The following VNN2 variants were observed in gnomAD, a reference collection of about 807,000 sequenced individuals.
VNN2 encodes pantetheine hydrolase VNN2.
In VNN2, 43 loss-of-function variants were observed where a neutral mutation model predicts 43.0. That is an observed-to-expected ratio of 1.00 (90% CI 0.78 to 1.29). VNN2 has a LOEUF of 1.29. Ranked by LOEUF, VNN2 falls within the 50% of genes most tolerant of loss-of-function variation. VNN2 has a pLI of 0.00. For missense variants in VNN2, 652 were observed against 619.7 expected (o/e 1.05, Z -0.55); for synonymous variants, 230 against 224.3 (o/e 1.03, Z -0.23).
In VNN2 at chr6:132,752,611, C is replaced by A. The variant is rs1780183211; in HGVS notation, c.676G>T (p.Asp226Tyr). 2.5e-6 allele frequency: 4 copies of A among 1,614,032 alleles called. No individual in the cohort carries two copies. Among genetic ancestry groups the A allele is most frequent in the Non-Finnish European group, 3.4e-6 (4 of 1,180,040 alleles). Residue 226 changes from aspartate to tyrosine, a missense_variant, in exon 4 of 7, where the codon GAT becomes TAT. Transcript: ENST00000326499. ...FYDPGVTLVK[D>Y]FHVDTILFPT... The stretch of plus-strand genomic sequence containing the variant: ...AACAGTATGGTGTCCACATGGAAAT[C>A]TTTCACCAGGGTAACACCAGGATCA...
upstream of VNN2, among the ~76,000 whole-genome samples, chr6:132,761,425 C>T (rs963125153): frequency 6.0e-5 from 9 of 151,136 alleles, no homozygotes; most frequent in Admixed American, 1.3e-4. Flanking sequence ...TTTGGGAGGC[C>T]GAGGCGGGCG....
rs148000711 is a variant in VNN2, at chr6:132,744,538, G to A, written c.1372-47C>T. On this transcript the variant is annotated intron_variant, in intron 6 of 6. Transcript: ENST00000326499. Reference sequence around the variant, plus strand: ...TACAGTCAGCTTTCTTAACATAGAAGTTAAAAGCAAATTAATCATTTTGAA... The same window carrying A: ...TACAGTCAGCTTTCTTAACATAGAAATTAAAAGCAAATTAATCATTTTGAA... The A allele has an allele frequency of 1.1e-4, 170 of 1,509,064 alleles. 3 individuals carry two copies. In the African/African-American group the frequency reaches 2.0e-3, roughly 18 times the overall value. The allele number at this position is 1,509,064 out of a possible 1,614,324, so 93.5% of individuals were successfully genotyped here.
upstream of VNN2, among the ~76,000 whole-genome samples, chr6:132,760,271 C>T (rs1241940823): frequency 6.6e-6 from 1 of 152,074 alleles, no homozygotes; most frequent in East Asian, 1.9e-4. Flanking sequence ...ACCTCCCAGG[C>T]TCAAGTGATC....
chr6:132,759,125 A>T (rs1335109602), upstream of VNN2, among the ~76,000 whole-genome samples: 1 of 152,130 alleles, frequency 6.6e-6, no homozygotes, highest in African/African-American at 2.4e-5. Flanking sequence ...GCAGCAAATA[A>T]CAACAATGAG....
chr6:132,757,762 GT>G lies in VNN2; in HGVS notation c.121del (p.Thr41GlnfsTer11), dbSNP rs751119044. The G allele has an allele frequency of 6.2e-7, 1 of 1,614,054 alleles. No homozygotes were observed. The highest frequency in any genetic ancestry group is 2.2e-5 in the East Asian group (1 of 44,880). On this transcript the variant is annotated frameshift_variant, in exon 1 of 7. Coordinates refer to ENST00000326499, the MANE Select transcript of VNN2 (RefSeq NM_004665.6). LOFTEE classifies it high-confidence loss of function. ...ATCCTCCTGAGAAACTGGTGTTTCT[GT>G]TTTATTTGGCAAAATGACAGCATGT... is the stretch of plus-strand genomic sequence containing the variant. Reference protein sequence around the residue: ...YEHAVILPNKTETPVSQEDAL... With the variant: ...YEHAVILPNKXETPVSQEDAL...
At chr6:132,750,515 T>TATATATATATATA (rs1359427541) in intron 5 of VNN2, among the ~76,000 whole-genome samples, 1 of 97,378 alleles carries the variant, frequency 1.0e-5, no homozygotes, top group Admixed American at 1.1e-4. Context: ...ATATATATAT[T>TATATATATATATA]TTTCCAGGTG....
upstream of VNN2, among the ~76,000 whole-genome samples, chr6:132,761,472 C>G (rs1251460086): frequency 6.6e-6 from 1 of 151,858 alleles, no homozygotes; most frequent in South Asian, 2.1e-4. Context: ...CCAGCCTGGC[C>G]GACATAGTGA....
chr6:132,749,467 A>G (rs1033038068), intron 6 of VNN2, among the ~76,000 whole-genome samples: 1 of 152,126 alleles, frequency 6.6e-6, no homozygotes, highest in Admixed American at 6.6e-5. Context: ...CCACTAGCCA[A>G]TGGCAGACAC....
Position 132,752,684 on chromosome 6 carries a change from G to C in VNN2, c.603C>G (p.Thr201=), listed in dbSNP as rs141716354. The C allele has an allele frequency of 6.2e-7, 1 of 1,614,122 alleles. No homozygotes were observed. The highest frequency in any genetic ancestry group is 8.5e-7 in the Non-Finnish European group (1 of 1,180,020). Residue 201 remains threonine, a synonymous_variant, in exon 4 of 7, where the codon ACC becomes ACG. Coordinates refer to ENST00000326499, the MANE Select transcript of VNN2 (RefSeq NM_004665.6). ...PEKPELVTFN[T]AFGRFGIFTC... ...TGAAAATGCCAAACCTTCCAAATGC[G>C]GTGTTGAAAGTCACCAACTCCGGCT...
In VNN2 at chr6:132,752,457, T is replaced by C; in HGVS notation, c.826+4A>G. On this transcript the variant is annotated splice_donor_region_variant and intron_variant, in intron 4 of 6. Coordinates refer to ENST00000326499, the MANE Select transcript of VNN2 (RefSeq NM_004665.6). ...AGATGAAACCTAACCTGGTCATGAA[T>C]TACCTGTCATATTTAGGCTGACATG... 6.2e-7 allele frequency: 1 copy of C among 1,609,822 alleles called. No individual in the cohort carries two copies. Among genetic ancestry groups the C allele is most frequent in the Middle Eastern group, 1.7e-4 (1 of 6,038 alleles).
In VNN2 at chr6:132,745,106, T is replaced by C. The variant is rs138659493; in HGVS notation, c.1372-615A>G. ...ATCAAGGCAATGTGAGTTCTCATTCTAGATTGGTTAAAACCAGTGGTGTGC... is the reference window on the plus strand; with the variant it reads ...ATCAAGGCAATGTGAGTTCTCATTCCAGATTGGTTAAAACCAGTGGTGTGC... On this transcript the variant is annotated intron_variant, in intron 6 of 6. Coordinates refer to ENST00000326499, the MANE Select transcript of VNN2 (RefSeq NM_004665.6). 2.6e-3 allele frequency among the ~76,000 whole-genome samples: 397 copies of C among 152,260 alleles called. 3 individuals are homozygous for C. The highest frequency in any genetic ancestry group is 8.9e-3 in the African/African-American group (369 of 41,492).
intron 6 of VNN2, among the ~76,000 whole-genome samples, chr6:132,748,805 C>T (rs1355334033): frequency 6.6e-6 from 1 of 152,216 alleles, no homozygotes; most frequent in African/African-American, 2.4e-5. Flanking sequence ...TGGCACATGC[C>T]TTTAAATCCT....
upstream of VNN2, chr6:132,758,045 T>TTC (rs1780611402): frequency 2.9e-6 from 1 of 342,454 alleles, no homozygotes; most frequent in African/African-American, 5.6e-5. Flanking sequence ...TCTTCTTTTT[T>TTC]TTTTTTTTTT....
At chr6:132,753,654 A>G (rs144381565) in intron 3 of VNN2, 1 of 277,790 alleles carries the variant, frequency 3.6e-6, no homozygotes, top group Non-Finnish European at 7.2e-6. Flanking sequence ...CTTTACTACT[A>G]TTTTAAGAAT....
chr6:132,745,103 T>G (rs909312281), intron 6 of VNN2, among the ~76,000 whole-genome samples: 15 of 152,308 alleles, frequency 9.8e-5, no homozygotes, highest in African/African-American at 3.6e-4. Flanking sequence ...TGAGTTCTCA[T>G]TCTAGATTGG....
intron 6 of VNN2, among the ~76,000 whole-genome samples, chr6:132,749,172 T>C (rs1295801050): frequency 6.6e-6 from 1 of 152,192 alleles, no homozygotes; most frequent in African/African-American, 2.4e-5. Flanking sequence ...TGTGATTTTA[T>C]AGCTCTTCCC....
intron 3 of VNN2, 103 bp from the exon 4 acceptor site, chr6:132,752,852 C>A: frequency 2.4e-6 from 3 of 1,269,176 alleles, no homozygotes; most frequent in Non-Finnish European, 3.3e-6. Context: ...TGGTCAACTG[C>A]AGGGAATCTC....
intron 3 of VNN2, chr6:132,753,875 CCTGGGAG>C: frequency 6.7e-6 from 1 of 148,470 alleles, no homozygotes; most frequent in Non-Finnish European, 1.5e-5. Flanking sequence ...ATGGGTTGAA[CCTGGGAG>C]TCAGAGGTTG....
At position 132,751,440 on chromosome 6, in the gene VNN2, G is replaced by A. The variant is rs760936565; in HGVS notation, c.905C>T (p.Ser302Leu). 2 of 1,614,148 alleles carry A rather than the reference G, an allele frequency of 1.2e-6. No individual in the cohort carries two copies. The highest frequency in any genetic ancestry group is 2.2e-5 in the East Asian group (1 of 44,882). ...MKTELGKLLL[S>L]EVDSHPLSSL... is the part of the protein sequence containing the mutation. Reference sequence around the variant, plus strand: ...GGATAGGGGATGTGAATCCACCTCTGAAAGGAGAAGTTTTCCCAACTCTGT... The same window carrying A: ...GGATAGGGGATGTGAATCCACCTCTAAAAGGAGAAGTTTTCCCAACTCTGT... Residue 302 changes from serine (S) to leucine (L), a missense_variant, in exon 5 of 7, where the codon TCA (serine) becomes TTA (leucine). Physicochemically the swap from Ser to Leu is moderately radical, Grantham distance 145. Transcript: ENST00000326499.
Sources: allele counts gnomAD v4.1 joint callset (sites outside exome capture counted in the v4.1 genomes callset), GRCh38; gene constraint gnomAD v4.1.1; transcripts MANE v1.5; gene names NCBI Gene and HGNC (gene_info 2026-07-23, HGNC 2026-07-21).